SOD2: variants seen among roughly 807,000 people sequenced by gnomAD.
SOD2 encodes the protein superoxide dismutase 2, also known as superoxide dismutase [Mn], mitochondrial.
SOD2 carries 11 observed loss-of-function variants against 27.0 expected under a neutral mutation model. The observed-to-expected ratio is 0.41, with a 90% CI of 0.26 to 0.67. The LOEUF is 0.67. SOD2 is among the 30% of genes least tolerant of loss of function. The probability of loss-of-function intolerance (pLI) is 0.34; values close to 1 mark genes in which losing one functional copy is unlikely to be tolerated. For synonymous variants in SOD2, 105 were observed against 103.0 expected, an observed-to-expected ratio of 1.02 and a Z score of -0.12; for missense variants, 250 against 274.5, an observed-to-expected ratio of 0.91 and a Z score of 0.63.
At position 159,758,763 on chromosome 6, in the gene SOD2, C is replaced by G. The variant is rs914170325; in HGVS notation, c.-336+2274G>C. ...AATTCCACTTTGGTGATTCACTGTT[C>G]CCCTCATGGAGACCAAGGAGGAATT... On this transcript the variant is annotated intron_variant, in intron 1 of 7. Transcript: ENST00000546087. Among the ~76,000 whole-genome samples, 3 of 152,184 alleles carry G rather than the reference C, an allele frequency of 2.0e-5. No individual in the cohort carries two copies. In the South Asian group the frequency reaches 6.2e-4, roughly 32 times the overall value.
intron 1 of SOD2, among the ~76,000 whole-genome samples, chr6:159,741,121 C>G (rs1345906120): frequency 2.0e-5 from 3 of 152,078 alleles, no homozygotes; most frequent in African/African-American, 7.2e-5. Context: ...CTTAAGTATG[C>G]AGGATAGCAG....
rs1779934450 is a variant in SOD2, at chr6:159,681,022, G to A, written c.*1471C>T. The A allele has an allele frequency of 6.6e-6, 1 of 150,868 alleles. No individual in the cohort carries two copies. Among genetic ancestry groups the A allele is most frequent in the Admixed American group, 6.6e-5 (1 of 15,156 alleles). 9.3% of individuals were successfully genotyped at this position (150,868 alleles called of 1,614,324 possible). Reference sequence around the variant, plus strand: ...TATGTACACAGAGTTGCTCACCCCAGCATTATCTGTAGTAACAATTAGAAA... The same window carrying A: ...TATGTACACAGAGTTGCTCACCCCAACATTATCTGTAGTAACAATTAGAAA... On this transcript the variant is annotated 3_prime_UTR_variant, in exon 5 of 5. Transcript: ENST00000538183.
upstream of SOD2, chr6:159,748,260 C>G: frequency 6.2e-7 from 1 of 1,613,958 alleles, no homozygotes; most frequent in Non-Finnish European, 8.5e-7. This position sits in a 1 kb window ranked among gnomAD's most constrained non-coding sequence, Gnocchi z 5.6. Context: ...AATGGTAGAC[C>G]CAGCGATCAA....
intron 1 of SOD2, among the ~76,000 whole-genome samples, chr6:159,698,571 CAAAAAA>C (rs66652436): frequency 0.014 from 1,349 of 95,632 alleles, 7 homozygotes; most frequent in African/African-American, 0.023. Context: ...GACCTTGTCT[CAAAAAA>C]AAAAAAAAAA....
At chr6:159,698,544 C>T (rs1246111231) in intron 1 of SOD2, among the ~76,000 whole-genome samples, 1 of 140,674 alleles carries the variant, frequency 7.1e-6, no homozygotes, top group Non-Finnish European at 1.5e-5. Flanking sequence ...TGCACTCCTG[C>T]CTGGGTAACA....
At chr6:159,725,262 C>A (rs2758358) in intron 1 of SOD2, among the ~76,000 whole-genome samples, 35,968 of 151,980 alleles carry the variant, frequency 0.24, 4,652 homozygotes, top group East Asian at 0.42. Context: ...AGGCGGATCA[C>A]CTGAGGTCAG....
chr6:159,713,750 G>T, intron 1 of SOD2: 1 of 933,214 alleles, frequency 1.1e-6, no homozygotes, highest in Non-Finnish European at 1.8e-6. Flanking sequence ...ATACTTCAAC[G>T]TATCTGTGTC....
rs1288693382 is a variant in SOD2, at chr6:159,680,071, G to A, written c.*2422C>T. ...AGAATGCTTCCTCACTCTCTCACCA[G>A]AAAGCCAAAGCAAAAATAGAGCCCC... On this transcript the variant is annotated 3_prime_UTR_variant, in exon 5 of 5. Transcript: ENST00000538183. 6.6e-6 allele frequency: 1 copy of A among 152,136 alleles called. No individual in the cohort carries two copies. Among genetic ancestry groups the A allele is most frequent in the African/African-American group, 2.4e-5 (1 of 41,426 alleles). The allele number at this position is 152,136 out of a possible 1,614,324, so 9.4% of individuals were successfully genotyped here.
intron 1 of SOD2, among the ~76,000 whole-genome samples, chr6:159,711,496 ATTG>A (rs1327878528): frequency 1.0e-5 from 1 of 99,228 alleles, no homozygotes; most frequent in Admixed American, 9.4e-5. Context: ...CACCACTCAC[ATTG>A]CTCTGATCAC....
intron 1 of SOD2, among the ~76,000 whole-genome samples, chr6:159,756,490 C>A (rs1027425036): frequency 1.3e-5 from 2 of 151,086 alleles, no homozygotes; most frequent in Non-Finnish European, 2.9e-5. Flanking sequence ...CAAAACGGAG[C>A]TGGAGTTTAG....
chr6:159,713,176 A>T, intron 1 of SOD2: 1 of 1,254,742 alleles, frequency 8.0e-7, no homozygotes, highest in South Asian at 1.5e-5. Context: ...CTCCGTATCT[A>T]TGATCAGACA....
In SOD2 at chr6:159,684,872, G is replaced by A; in HGVS notation, c.505C>T (p.Pro169Ser). The A allele has an allele frequency of 1.2e-6, 2 of 1,611,754 alleles. No homozygotes were observed. Among genetic ancestry groups the A allele is most frequent in the Non-Finnish European group, 1.7e-6 (2 of 1,178,846 alleles). The change falls in exon 4 of 5, where the codon CCA (proline) becomes TCA (serine). Residue 169 changes from proline to serine, a missense_variant. Coordinates refer to ENST00000538183, the MANE Select transcript of SOD2 (RefSeq NM_000636.4). ...ATCTAACCTGTTGTTCCTTGCAGTG[G>A]ATCCTGATTTGGACAAGCAGCAATT... ...LQIAACPNQD[P>S]LQGTTGLIPL...
chr6:159,686,186 G>C (rs987972961), intron 3 of SOD2, among the ~76,000 whole-genome samples: 2 of 152,066 alleles, frequency 1.3e-5, no homozygotes, highest in African/African-American at 4.8e-5. Flanking sequence ...TATTCTACGG[G>C]TTTAAAAGTA....
At chr6:159,685,572 G>A (rs1043559906) in intron 3 of SOD2, among the ~76,000 whole-genome samples, 1 of 151,976 alleles carries the variant, frequency 6.6e-6, no homozygotes, top group African/African-American at 2.4e-5. Context: ...GAGGGTACAC[G>A]CACAGGTTTG....
At chr6:159,743,272 C>G (rs2114926993) in intron 1 of SOD2, among the ~76,000 whole-genome samples, 1 of 152,328 alleles carries the variant, frequency 6.6e-6, no homozygotes, top group African/African-American at 2.4e-5. Context: ...GTCTGAAACT[C>G]CTGACCTCAG....
At position 159,674,123 on chromosome 6, in the gene SOD2, A is replaced by C. The variant is rs1779726558; in HGVS notation, c.*8370T>G. The C allele has an allele frequency of 6.6e-6, 1 of 152,196 alleles. No homozygotes were observed. 9.4% of individuals were successfully genotyped at this position (152,196 alleles called of 1,614,324 possible). A position where few individuals can be genotyped will look rare whatever the true frequency, so the allele number is the denominator to read the frequency against. The stretch of plus-strand genomic sequence containing the variant: ...TAATTAATAGCCTACCAACCAAAAA[A>C]AGTCCAGGACAAGATGGATTCACAG... On this transcript the variant is annotated 3_prime_UTR_variant, in exon 5 of 5. Coordinates refer to ENST00000538183, the MANE Select transcript of SOD2 (RefSeq NM_000636.4).
chr6:159,716,646 G>C (rs185124353), intron 1 of SOD2, among the ~76,000 whole-genome samples: 26 of 152,270 alleles, frequency 1.7e-4, no homozygotes, highest in African/African-American at 6.3e-4. Flanking sequence ...TTCTCATCAA[G>C]GGCATGACGG....
chr6:159,710,995 C>T (rs1370755850), intron 1 of SOD2, among the ~76,000 whole-genome samples: 46 of 81,674 alleles, frequency 5.6e-4, no homozygotes, highest in South Asian at 2.9e-3. Flanking sequence ...ACCACTCACA[C>T]TGCTCTGACC....
At chr6:159,720,825 T>C (rs1253594459) in intron 1 of SOD2, among the ~76,000 whole-genome samples, 2 of 147,854 alleles carry the variant, frequency 1.4e-5, no homozygotes, top group African/African-American at 4.9e-5. Context: ...ATGGCTCCAC[T>C]ATACAGGTGT....
Sources: gnomAD v4.1 joint callset for allele counts (sites outside exome capture counted in the v4.1 genomes callset) on GRCh38, gnomAD v4.1.1 for gene constraint, Gnocchi (gnomAD v3.1) non-coding constraint, MANE v1.5 for transcripts, NCBI Gene and HGNC (gene_info 2026-07-23, HGNC 2026-07-21) for gene names.